HIVEP3: variants seen among roughly 807,000 people sequenced by gnomAD.
HIVEP3 encodes transcription factor HIVEP3.
A neutral mutation model predicts 152.8 loss-of-function variants in HIVEP3; 49 were observed. The observed-to-expected ratio is 0.32, with a 90% CI of 0.26 to 0.41. HIVEP3 has a LOEUF of 0.41. Among genes scored for constraint, HIVEP3 ranks in the 10% least tolerant of loss-of-function variants. The pLI, the probability that HIVEP3 is intolerant of heterozygous loss-of-function variation, is 1.00. For missense variants in HIVEP3, 2,790 were observed against 3,103.3 expected (o/e 0.90, Z 2.40); for synonymous variants, 1,269 against 1,289.0 (o/e 0.98, Z 0.33).
chr1:41,643,803 C>A (rs1224898572), intron 2 of HIVEP3, among the ~76,000 whole-genome samples: 2 of 152,018 alleles, frequency 1.3e-5, no homozygotes, highest in African/African-American at 4.8e-5. Context: ...CCTCTGGTCG[C>A]TCTGTACCAA....
chr1:41,548,157 C>G (rs1472160576), intron 5 of HIVEP3, among the ~76,000 whole-genome samples: 2 of 152,170 alleles, frequency 1.3e-5, no homozygotes, highest in Non-Finnish European at 2.9e-5. Flanking sequence ...CAAAGCAGTC[C>G]AGGAGGTGCC....
At chr1:41,796,539 G>A (rs187214741) in intron 1 of HIVEP3, among the ~76,000 whole-genome samples, 39 of 152,370 alleles carry the variant, frequency 2.6e-4, no homozygotes, top group Non-Finnish European at 4.0e-4. Context: ...GAAGGCACTC[G>A]ATTCATGTTG....
At chr1:41,549,306 C>T (rs1643871512) in intron 5 of HIVEP3, among the ~76,000 whole-genome samples, 1 of 152,160 alleles carries the variant, frequency 6.6e-6, no homozygotes, top group Non-Finnish European at 1.5e-5. Context: ...CAAGTCTTTG[C>T]TATTGTGAAT....
At chr1:41,529,214 A>C (rs1569767204) in intron 5 of HIVEP3, among the ~76,000 whole-genome samples, 3 of 68,808 alleles carry the variant, frequency 4.4e-5, no homozygotes, top group African/African-American at 1.9e-4. Context: ...ATACACTCAC[A>C]CCCTCACCCT....
chr1:41,657,661 C>T (rs1234911252), intron 2 of HIVEP3, among the ~76,000 whole-genome samples: 3 of 152,218 alleles, frequency 2.0e-5, no homozygotes, highest in Non-Finnish European at 4.4e-5. Context: ...TCTAATGAGA[C>T]ATCTGTCACC....
At chr1:42,017,936 G>A (rs1311817794) in intron 1 of HIVEP3, among the ~76,000 whole-genome samples, 1 of 151,974 alleles carries the variant, frequency 6.6e-6, no homozygotes, top group East Asian at 1.9e-4. Flanking sequence ...GTCAACATTT[G>A]GTATTGTCCG....
Position 41,572,937 on chromosome 1 carries a change from C to T in HIVEP3, c.5207+2607G>A, listed in dbSNP as rs137930925. Reference sequence around the variant, plus strand: ...AATATTTCAGGTTCTCCCAAGCACACGGTAGGAATGCACTTCTCTACTCCC... The same window carrying T: ...AATATTTCAGGTTCTCCCAAGCACATGGTAGGAATGCACTTCTCTACTCCC... On this transcript the variant is annotated intron_variant, in intron 5 of 8. Coordinates refer to ENST00000372583, the MANE Select transcript of HIVEP3 (RefSeq NM_024503.5). Among the ~76,000 whole-genome samples, 783 of 152,264 alleles carry T rather than the reference C, an allele frequency of 5.1e-3. 3 individuals carry two copies. The highest frequency in any genetic ancestry group is 0.018 in the African/African-American group (743 of 41,548).
intron 1 of HIVEP3, among the ~76,000 whole-genome samples, chr1:41,884,479 T>C (rs1644312765): frequency 6.6e-6 from 1 of 152,178 alleles, no homozygotes. Flanking sequence ...GTGCGGCTGA[T>C]GCAGAAGGAC....
intron 1 of HIVEP3, among the ~76,000 whole-genome samples, chr1:42,020,884 T>C (rs985328266): frequency 1.3e-5 from 2 of 152,074 alleles, no homozygotes; most frequent in African/African-American, 2.4e-5. Flanking sequence ...CATCAAAAGA[T>C]CCAAAGCAAG....
chr1:41,538,178 C>T (rs1435103754), intron 5 of HIVEP3, among the ~76,000 whole-genome samples: 1 of 152,118 alleles, frequency 6.6e-6, no homozygotes, highest in African/African-American at 2.4e-5. Flanking sequence ...TTTGGGTGCA[C>T]AGGGTCAGAC....
chr1:41,855,212 C>T (rs1643724818), intron 1 of HIVEP3, among the ~76,000 whole-genome samples: 1 of 149,982 alleles, frequency 6.7e-6, no homozygotes, highest in African/African-American at 2.5e-5. Flanking sequence ...TTAATGATTG[C>T]CATTCTAACT....
chr1:41,635,388 C>G (rs1645253255), intron 2 of HIVEP3, among the ~76,000 whole-genome samples: 1 of 150,334 alleles, frequency 6.7e-6, no homozygotes, highest in African/African-American at 2.5e-5. Context: ...ACCCAAGAAA[C>G]TAAAAAAGAA....
Position 41,582,507 on chromosome 1 carries a change from A to C in HIVEP3, c.2291T>G (p.Val764Gly), listed in dbSNP as rs767176857. Residue 764 changes from valine to glycine, a missense_variant, in exon 4 of 9, where the codon GTG (valine) becomes GGG (glycine). Val to Gly is a moderately radical substitution (Grantham distance 109, BLOSUM62 -3). This residue lies in a region of HIVEP3 where 339 missense variants were observed against 327.0 expected (regional missense o/e 1.04). Coordinates refer to ENST00000372583, the MANE Select transcript of HIVEP3 (RefSeq NM_024503.5). This position sits in a 1 kb window ranked among gnomAD's most constrained non-coding sequence, Gnocchi z 4.7. Reference sequence around the variant, plus strand: ...GCCCGTGGGTCCCTCCAAGGAGGGCACTGATTTACTTGGTTCTGCTGGTGA... The same window carrying C: ...GCCCGTGGGTCCCTCCAAGGAGGGCCCTGATTTACTTGGTTCTGCTGGTGA... The part of the protein sequence containing the change: ...TKSPAEPSKS[V>G]PSLEGPTGFQ... 6.2e-7 allele frequency: 1 copy of C among 1,612,208 alleles called. No homozygotes were observed. Among genetic ancestry groups the C allele is most frequent in the Non-Finnish European group, 8.5e-7 (1 of 1,178,840 alleles).
At chr1:41,760,114 AGTAC>A (rs931312081) in intron 1 of HIVEP3, among the ~76,000 whole-genome samples, 1 of 152,202 alleles carries the variant, frequency 6.6e-6, no homozygotes, top group African/African-American at 2.4e-5. Flanking sequence ...TGGAGGCTGC[AGTAC>A]CCCATGATCA....
rs147933032 is a variant in HIVEP3, at chr1:41,603,307, A to T, written c.-521-17989T>A. Among the ~76,000 whole-genome samples the T allele has an allele frequency of 4.3e-3, 650 of 151,906 alleles. 5 individuals are homozygous for T. Among genetic ancestry groups the T allele is most frequent in the African/African-American group, 0.015 (619 of 41,392 alleles). On this transcript the variant is annotated intron_variant, in intron 3 of 8. Coordinates refer to ENST00000372583, the MANE Select transcript of HIVEP3 (RefSeq NM_024503.5). ...GGTCTCGAACTGCTGACCTCAGGTGATCCACCCACCTCGGCCTCCCAAAGC... is the reference window on the plus strand; with the variant it reads ...GGTCTCGAACTGCTGACCTCAGGTGTTCCACCCACCTCGGCCTCCCAAAGC...
chr1:41,547,847 C>A (rs959179410), intron 5 of HIVEP3, among the ~76,000 whole-genome samples: 1 of 150,904 alleles, frequency 6.6e-6, no homozygotes, highest in Non-Finnish European at 1.5e-5. Context: ...CCACACTCCA[C>A]GGACACCTTC....
intron 1 of HIVEP3, among the ~76,000 whole-genome samples, chr1:41,829,671 C>T (rs1001898932): frequency 1.3e-5 from 2 of 151,662 alleles, no homozygotes; most frequent in Non-Finnish European, 2.9e-5. Flanking sequence ...CTAGCACATA[C>T]AAACTGATAA....
intron 3 of HIVEP3, among the ~76,000 whole-genome samples, chr1:41,605,111 A>T (rs1472401765): frequency 1.4e-5 from 2 of 140,842 alleles, no homozygotes; most frequent in Non-Finnish European, 3.1e-5. Flanking sequence ...TCTCCAATAA[A>T]AAAAAAAAAA....
chr1:41,712,662 G>A (rs1409642382), intron 1 of HIVEP3, among the ~76,000 whole-genome samples: 4 of 152,216 alleles, frequency 2.6e-5, no homozygotes, highest in Non-Finnish European at 4.4e-5. Context: ...ACCTGCCTCA[G>A]GGGTCTCAGA....
Sources: allele counts gnomAD v4.1 joint callset (sites outside exome capture counted in the v4.1 genomes callset), GRCh38; gene constraint gnomAD v4.1.1; regional missense constraint gnomAD v4.1.1; non-coding constraint Gnocchi (gnomAD v3.1); transcripts MANE v1.5; gene names NCBI Gene and HGNC (gene_info 2026-07-23, HGNC 2026-07-21).